The following ZNF541 variants were observed in gnomAD, a reference collection of about 807,000 sequenced individuals.
ZNF541 encodes zinc finger protein 541.
A neutral mutation model predicts 123.5 loss-of-function variants in ZNF541; 23 were observed. The observed-to-expected ratio is 0.19, with a 90% CI of 0.13 to 0.26. The LOEUF is 0.26. Among genes scored for constraint, ZNF541 ranks in the 10% least tolerant of loss-of-function variants. The pLI, the probability that ZNF541 is intolerant of heterozygous loss-of-function variation, is 1.00. For synonymous variants in ZNF541, 751 were observed against 754.5 expected (o/e 1.00, Z 0.08); for missense variants, 1,612 against 1,789.9 (o/e 0.90, Z 1.79).
chr19:47,556,586 A>C (rs1970830648), intron 2 of ZNF541, among the ~76,000 whole-genome samples: 1 of 151,964 alleles, frequency 6.6e-6, no homozygotes, highest in Non-Finnish European at 1.5e-5. Context: ...CTGGGATTAC[A>C]GGTGTGAACC....
At position 47,534,611 on chromosome 19, in the gene ZNF541, C is replaced by T. The variant is rs867239298; in HGVS notation, c.3095-1639G>A. Among the ~76,000 whole-genome samples, 4 of 152,148 alleles carry T rather than the reference C, an allele frequency of 2.6e-5. No homozygotes were observed. The South Asian group carries it at 8.3e-4, about 32-fold the overall frequency. On this transcript the variant is annotated intron_variant, in intron 9 of 16. Coordinates refer to ENST00000391901, the MANE Select transcript of ZNF541 (RefSeq NM_001277075.3). ...AGTGAGCCGAGATCATGCCACTGCA[C>T]TCCAGCTGGGGTGACACAGCAAGAC... is the stretch of plus-strand genomic sequence containing the variant.
rs143089368 is a variant in ZNF541 at position 47,523,501 on chromosome 19, A to G, written c.3571-1507T>C. On this transcript the variant is annotated intron_variant, in intron 14 of 16. Transcript: ENST00000391901. ...ACAAACGAGGAGTCAAAACAGCACAAACTCTGCCTAAGAGACATCACTAAG... is the reference window on the plus strand; with the variant it reads ...ACAAACGAGGAGTCAAAACAGCACAGACTCTGCCTAAGAGACATCACTAAG... Among the ~76,000 whole-genome samples, 1,080 of 152,284 alleles carry G rather than the reference A, an allele frequency of 7.1e-3. 20 individuals are homozygous for G. The highest frequency in any genetic ancestry group is 0.025 in the African/African-American group (1,033 of 41,552).
chr19:47,532,428 G>A (rs1378373455), intron 10 of ZNF541, among the ~76,000 whole-genome samples, 158 bp from the exon 11 acceptor site: 3 of 152,304 alleles, frequency 2.0e-5, no homozygotes, highest in African/African-American at 7.2e-5. Flanking sequence ...GTTCCCGACA[G>A]ATGCACACAG....
intron 12 of ZNF541, among the ~76,000 whole-genome samples, chr19:47,530,335 ATTTTTT>A (rs10586987): frequency 7.6e-6 from 1 of 131,906 alleles, no homozygotes; most frequent in African/African-American, 2.9e-5. Flanking sequence ...CTCCCTGCTA[ATTTTTT>A]TTTTTTTTTT....
intron 2 of ZNF541, among the ~76,000 whole-genome samples, chr19:47,559,321 G>A (rs908499821): frequency 4.6e-5 from 7 of 151,740 alleles, no homozygotes; most frequent in African/African-American, 1.5e-4. Flanking sequence ...GCAGTGAGCT[G>A]AGATCGTGCC....
intron 4 of ZNF541, among the ~76,000 whole-genome samples, chr19:47,548,517 G>A (rs969344226): frequency 1.3e-5 from 2 of 151,516 alleles, no homozygotes; most frequent in Non-Finnish European, 2.9e-5. Context: ...AGAAGCAGGC[G>A]TCTCATCTTT....
intron 2 of ZNF541, among the ~76,000 whole-genome samples, chr19:47,557,170 C>T (rs1473991613): frequency 1.3e-5 from 2 of 152,060 alleles, no homozygotes; most frequent in African/African-American, 2.4e-5. Flanking sequence ...ATATATGGCT[C>T]GTATTCTGTA....
chr19:47,561,116 A>G (rs780353333), intron 2 of ZNF541, among the ~76,000 whole-genome samples: 4 of 152,198 alleles, frequency 2.6e-5, no homozygotes, highest in Non-Finnish European at 5.9e-5. Flanking sequence ...ATTTTGCATG[A>G]TAATCTAATG....
chr19:47,564,360 C>G (rs186077273), intron 2 of ZNF541, among the ~76,000 whole-genome samples: 1 of 152,312 alleles, frequency 6.6e-6, no homozygotes, highest in East Asian at 1.9e-4. Context: ...AAGCAAAACC[C>G]TCTCTACCGA....
intron 9 of ZNF541, among the ~76,000 whole-genome samples, chr19:47,534,902 A>G (rs2123006756): frequency 6.6e-6 from 1 of 152,202 alleles, no homozygotes; most frequent in East Asian, 1.9e-4. Flanking sequence ...TTGGACCTTT[A>G]CCTCATGTAA....
At chr19:47,566,127 A>C (rs1303243702) in intron 2 of ZNF541, among the ~76,000 whole-genome samples, 2 of 152,102 alleles carry the variant, frequency 1.3e-5, no homozygotes, top group African/African-American at 2.4e-5. Flanking sequence ...CAGTGAGCCA[A>C]GATTGTGCCA....
intron 13 of ZNF541, among the ~76,000 whole-genome samples, 187 bp downstream of exon 13, chr19:47,529,390 C>T (rs1005559222): frequency 6.6e-5 from 10 of 152,168 alleles, no homozygotes; most frequent in South Asian, 4.1e-4. Flanking sequence ...TGGGAAAGGG[C>T]GAAGCAGGAT....
chr19:47,560,960 G>C (rs1241650139), intron 2 of ZNF541, among the ~76,000 whole-genome samples: 1 of 152,060 alleles, frequency 6.6e-6, no homozygotes, highest in Non-Finnish European at 1.5e-5. Flanking sequence ...AAGGAAGCCA[G>C]TATGAAAAGA....
At position 47,533,414 on chromosome 19, in the gene ZNF541, G is replaced by A. The variant is rs185413080; in HGVS notation, c.3095-442C>T. Among the ~76,000 whole-genome samples the A allele has an allele frequency of 6.3e-3, 854 of 135,818 alleles. 5 individuals carry two copies. The highest frequency in any genetic ancestry group is 0.021 in the African/African-American group (781 of 36,476). 89.1% of individuals were successfully genotyped at this position (135,818 alleles called of 152,430 possible). A position where few individuals can be genotyped will look rare whatever the true frequency, so the allele number is the denominator to read the frequency against. ...AAAAAAAATCCCATGGGAAAGGGCA[G>A]CACTTCAGAAAAGGTAGAGGAAGGA... is the stretch of plus-strand genomic sequence containing the variant. On this transcript the variant is annotated intron_variant, in intron 9 of 16. Coordinates refer to ENST00000391901, the MANE Select transcript of ZNF541 (RefSeq NM_001277075.3).
At chr19:47,551,388 TC>T (rs1443114350) in intron 3 of ZNF541, among the ~76,000 whole-genome samples, 1 of 151,868 alleles carries the variant, frequency 6.6e-6, no homozygotes, top group Non-Finnish European at 1.5e-5. Context: ...AGAGATGGGG[TC>T]TCACTATGTT....
chr19:47,545,261 G>A lies in ZNF541; in HGVS notation c.1268C>T (p.Pro423Leu). The A allele has an allele frequency of 3.9e-6, 6 of 1,548,944 alleles. No individual in the cohort carries two copies. The highest frequency in any genetic ancestry group is 2.4e-5 in the East Asian group (1 of 40,904). ...AAACACGTTGTTGCCTTTGCTTTTG[G>A]GACAGCCCGGCAGGTTCCGGAGCCA... ...FQWLRNLPGC[P>L]KSKGNNVFVV... Residue 423 changes from proline (P) to leucine (L), a missense_variant, in exon 5 of 17, where the codon CCC (proline) becomes CTC (leucine). Around this residue, in one of 5 missense-constraint regions of ZNF541, gnomAD observed 1,080 missense variants for 1,013.8 expected, o/e 1.07. Coordinates refer to ENST00000391901, the MANE Select transcript of ZNF541 (RefSeq NM_001277075.3). The surrounding 1 kb of genome is among the most constrained non-coding windows in gnomAD (Gnocchi z 7.5).
intron 3 of ZNF541, among the ~76,000 whole-genome samples, chr19:47,552,510 C>T (rs1970639300): frequency 6.6e-6 from 1 of 151,994 alleles, no homozygotes; most frequent in Non-Finnish European, 1.5e-5. Flanking sequence ...CTTAGCCTTA[C>T]TCAGTCACTT....
chr19:47,566,976 G>A (rs1014359266), intron 2 of ZNF541, among the ~76,000 whole-genome samples: 5 of 151,824 alleles, frequency 3.3e-5, no homozygotes, highest in Admixed American at 3.3e-4. Flanking sequence ...GCATGAACCC[G>A]GGAGGCGGAG....
chr19:47,522,773 A>G, intron 14 of ZNF541, among the ~76,000 whole-genome samples: 1 of 140,574 alleles, frequency 7.1e-6, no homozygotes, highest in Admixed American at 7.4e-5. Flanking sequence ...TTGAGACAGA[A>G]TCTCGCTCTG....
Sources: gnomAD v4.1 joint callset for allele counts (sites outside exome capture counted in the v4.1 genomes callset) on GRCh38, gnomAD v4.1.1 for gene constraint, gnomAD v4.1.1 regional missense constraint, Gnocchi (gnomAD v3.1) non-coding constraint, MANE v1.5 for transcripts, NCBI Gene and HGNC (gene_info 2026-07-23, HGNC 2026-07-21) for gene names.